The following SEMA6D variants were observed in gnomAD, a reference collection of about 807,000 sequenced individuals.
SEMA6D encodes semaphorin-6D.
In SEMA6D, 35 loss-of-function variants were observed where a neutral mutation model predicts 106.6. That is an observed-to-expected ratio of 0.33 (90% CI 0.25 to 0.44). The LOEUF is 0.44. SEMA6D is among the 20% of genes least tolerant of loss of function. SEMA6D has a pLI of 1.00. For missense variants in SEMA6D, 1,185 were observed against 1,345.9 expected (o/e 0.88, Z 1.87); for synonymous variants, 499 against 487.7 (o/e 1.02, Z -0.31).
At chr15:47,319,960 A>G (rs1053395532) in intron 1 of SEMA6D, among the ~76,000 whole-genome samples, 1 of 151,850 alleles carries the variant, frequency 6.6e-6, no homozygotes, top group Non-Finnish European at 1.5e-5. Context: ...GGCACTTTCC[A>G]CCTGTGAGTC....
chr15:47,527,705 C>T (rs747699502), intron 3 of SEMA6D: 61 of 152,100 alleles, frequency 4.0e-4, no homozygotes, highest in Admixed American at 1.3e-4. Context: ...ATTTATATTC[C>T]TCCTTAGACG....
intron 1 of SEMA6D, among the ~76,000 whole-genome samples, chr15:47,729,651 C>A (rs1310471905): frequency 6.6e-6 from 1 of 152,214 alleles, no homozygotes; most frequent in East Asian, 1.9e-4. Flanking sequence ...TTGATACCCA[C>A]AGAGGCCAAT....
chr15:47,348,710 C>G (rs2038156653), intron 1 of SEMA6D, among the ~76,000 whole-genome samples: 6 of 94,878 alleles, frequency 6.3e-5, no homozygotes, highest in African/African-American at 2.2e-4. Flanking sequence ...CACACACACA[C>G]ACACACACCA....
At chr15:47,666,984 T>C (rs2078038886) in intron 4 of SEMA6D, among the ~76,000 whole-genome samples, 1 of 152,150 alleles carries the variant, frequency 6.6e-6, no homozygotes, top group African/African-American at 2.4e-5. Flanking sequence ...TAGTCCTGAC[T>C]GGACTCAGCA....
At chr15:47,491,435 G>A (rs940108733) in intron 3 of SEMA6D, among the ~76,000 whole-genome samples, 1 of 151,948 alleles carries the variant, frequency 6.6e-6, no homozygotes, top group Admixed American at 6.6e-5. Context: ...TCATCACAAA[G>A]TTCAAAAATA....
intron 1 of SEMA6D, among the ~76,000 whole-genome samples, chr15:47,204,043 T>C (rs1000402699): frequency 6.6e-6 from 1 of 152,174 alleles, no homozygotes; most frequent in African/African-American, 2.4e-5. Flanking sequence ...TGGTGGACAC[T>C]GGACTGCTGG....
At chr15:47,314,870 T>C (rs2036593430) in intron 1 of SEMA6D, among the ~76,000 whole-genome samples, 1 of 68,102 alleles carries the variant, frequency 1.5e-5, no homozygotes, top group Admixed American at 1.6e-4. Context: ...TTTTTTTTTT[T>C]TTTTTTTTTT....
At chr15:47,760,484 T>A in intron 3 of SEMA6D, 69 bp downstream of exon 3, 1 of 1,212,008 alleles carries the variant, frequency 8.3e-7, no homozygotes, top group African/African-American at 1.5e-5. Context: ...TTAGTGTGTC[T>A]AGTTCATGAA....
intron 1 of SEMA6D, among the ~76,000 whole-genome samples, chr15:47,244,785 G>T (rs2033109036): frequency 1.3e-5 from 2 of 152,142 alleles, no homozygotes; most frequent in South Asian, 4.1e-4. Flanking sequence ...GGATACAAAT[G>T]ATTCTATCAC....
chr15:47,455,210 G>A (rs2042312365), intron 2 of SEMA6D, among the ~76,000 whole-genome samples: 1 of 151,676 alleles, frequency 6.6e-6, no homozygotes, highest in Non-Finnish European at 1.5e-5. Context: ...GGAGTTGGCA[G>A]GACAATTGGA....
At chr15:47,324,885 C>T (rs1214680459) in intron 1 of SEMA6D, among the ~76,000 whole-genome samples, 1 of 151,906 alleles carries the variant, frequency 6.6e-6, no homozygotes, top group Non-Finnish European at 1.5e-5. Context: ...TTGTGAACAT[C>T]CTTACATGCC....
At chr15:47,537,762 G>A (rs1375741195) in intron 3 of SEMA6D, among the ~76,000 whole-genome samples, 2 of 152,136 alleles carry the variant, frequency 1.3e-5, no homozygotes, top group African/African-American at 4.8e-5. Flanking sequence ...AGTAATCAAG[G>A]ATAAATGACG....
chr15:47,618,083 A>G (rs1323419039), intron 4 of SEMA6D, among the ~76,000 whole-genome samples: 1 of 152,206 alleles, frequency 6.6e-6, no homozygotes, highest in Non-Finnish European at 1.5e-5. Context: ...TTTTGGCCCC[A>G]GTGTAGCCTG....
chr15:47,532,470 G>A (rs913428524), intron 3 of SEMA6D, among the ~76,000 whole-genome samples: 4 of 152,142 alleles, frequency 2.6e-5, no homozygotes, highest in African/African-American at 9.7e-5. Flanking sequence ...CTTTTCCTCA[G>A]GGTTCTTGGT....
rs762083020 is a variant in SEMA6D, at chr15:47,405,987, G to A, written c.-238-6406G>A. Among the ~76,000 whole-genome samples the A allele has an allele frequency of 3.9e-5, 6 of 152,166 alleles. No homozygotes were observed. In the East Asian group the frequency reaches 7.7e-4, roughly 20 times the overall value. Reference sequence around the variant, plus strand: ...AAGTACTTGCCACACTTTCACTCACGAGGGCCATATGCAAGGAGACCTGAG... The same window carrying A: ...AAGTACTTGCCACACTTTCACTCACAAGGGCCATATGCAAGGAGACCTGAG... On this transcript the variant is annotated intron_variant, in intron 1 of 19. Transcript: ENST00000558014.
chr15:47,494,024 T>C (rs1019715934), intron 3 of SEMA6D, among the ~76,000 whole-genome samples: 4 of 152,178 alleles, frequency 2.6e-5, no homozygotes, highest in African/African-American at 9.6e-5. Context: ...ATTATGCATA[T>C]GTGTCACATT....
In SEMA6D at chr15:47,343,256, T is replaced by TATTATTATTATTATTATTA. The variant is rs1470806377; in HGVS notation, c.-238-69120_-238-69119insTAATTATTATTATTATTAT. Among the ~76,000 whole-genome samples the TATTATTATTATTATTATTA allele has an allele frequency of 9.6e-4, 144 of 149,980 alleles. 2 individuals are homozygous for TATTATTATTATTATTATTA. Among genetic ancestry groups the TATTATTATTATTATTATTA allele is most frequent in the African/African-American group, 3.5e-3 (140 of 40,494 alleles). On this transcript the variant is annotated intron_variant, in intron 1 of 19. Transcript: ENST00000558014. ...GATGGATTAGTTGGATTTTTATTAT[T>TATTATTATTATTATTATTA]ATTATTATTATTATTATACTTTAAG... is the stretch of plus-strand genomic sequence containing the variant.
At chr15:47,462,450 C>T (rs780311161) in intron 2 of SEMA6D, among the ~76,000 whole-genome samples, 15 of 152,064 alleles carry the variant, frequency 9.9e-5, no homozygotes, top group South Asian at 2.1e-4. Flanking sequence ...TCTTCTCAGA[C>T]GGGAACTATA....
At chr15:47,723,319 C>T (rs1321856444) in intron 1 of SEMA6D, among the ~76,000 whole-genome samples, 1 of 152,100 alleles carries the variant, frequency 6.6e-6, no homozygotes, top group Non-Finnish European at 1.5e-5. Flanking sequence ...CATTTTTCTC[C>T]ATGTTAGGCT....
Sources: allele counts gnomAD v4.1 joint callset (sites outside exome capture counted in the v4.1 genomes callset), GRCh38; gene constraint gnomAD v4.1.1; transcripts MANE v1.5; gene names NCBI Gene and HGNC (gene_info 2026-07-23, HGNC 2026-07-21).